The following ZNF385D variants were observed in gnomAD, a reference collection of about 807,000 sequenced individuals.
ZNF385D encodes the protein zinc finger protein 385D.
Under a neutral mutation model 35.8 loss-of-function variants are expected in ZNF385D, and 15 were observed. The observed-to-expected ratio is 0.42, with a 90% CI of 0.28 to 0.64. The LOEUF (loss-of-function observed/expected upper bound fraction) is 0.64, where lower values mean the gene tolerates loss of function less well. Ranked by LOEUF, ZNF385D falls within the 30% of genes least tolerant of loss-of-function variation. The pLI, the probability that ZNF385D is intolerant of heterozygous loss-of-function variation, is 0.23. For missense variants in ZNF385D, 474 were observed against 494.6 expected, an observed-to-expected ratio of 0.96 and a Z score of 0.39; for synonymous variants, 212 against 186.8, an observed-to-expected ratio of 1.13 and a Z score of -1.10.
At chr3:21,667,082 C>T (rs1442834960) in intron 1 of ZNF385D, among the ~76,000 whole-genome samples, 1 of 152,156 alleles carries the variant, frequency 6.6e-6, no homozygotes, top group Non-Finnish European at 1.5e-5. Context: ...ATTTCAAAAA[C>T]AAAAACTCAG....
At chr3:21,969,384 G>A (rs929053461) in intron 3 of ZNF385D, among the ~76,000 whole-genome samples, 1 of 152,102 alleles carries the variant, frequency 6.6e-6, no homozygotes, top group African/African-American at 2.4e-5. Flanking sequence ...GGTTTTATAA[G>A]GGGCTCATCC....
At chr3:22,150,311 A>G (rs957847791) in intron 3 of ZNF385D, among the ~76,000 whole-genome samples, 1 of 152,134 alleles carries the variant, frequency 6.6e-6, no homozygotes, top group Non-Finnish European at 1.5e-5. Context: ...CCTAGGTTAT[A>G]TATGTATGTA....
chr3:22,041,037 C>G (rs1345866620), intron 3 of ZNF385D, among the ~76,000 whole-genome samples: 2 of 151,942 alleles, frequency 1.3e-5, no homozygotes, highest in Non-Finnish European at 2.9e-5. Context: ...ACCTAAAGGA[C>G]AACATTAAAG....
intron 3 of ZNF385D, among the ~76,000 whole-genome samples, chr3:21,837,780 G>C (rs1464912476): frequency 6.6e-6 from 1 of 151,256 alleles, no homozygotes; most frequent in Admixed American, 6.6e-5. Flanking sequence ...GCTGAGACAA[G>C]AGAATTGCTT....
At chr3:21,839,964 T>C (rs897011812) in intron 3 of ZNF385D, among the ~76,000 whole-genome samples, 3 of 152,064 alleles carry the variant, frequency 2.0e-5, no homozygotes, top group Non-Finnish European at 4.4e-5. Flanking sequence ...CAGATAAACA[T>C]GTTGTTTGAT....
intron 3 of ZNF385D, among the ~76,000 whole-genome samples, chr3:22,081,840 T>A (rs1199354631): frequency 6.6e-6 from 1 of 152,178 alleles, no homozygotes; most frequent in Non-Finnish European, 1.5e-5. Context: ...AATACAATTG[T>A]GTATGAATTC....
intron 3 of ZNF385D, among the ~76,000 whole-genome samples, chr3:21,898,403 G>T (rs563040849): frequency 1.3e-5 from 2 of 152,162 alleles, no homozygotes; most frequent in South Asian, 2.1e-4. Flanking sequence ...ATTGCTATTG[G>T]AAGACAAACT....
intron 2 of ZNF385D, among the ~76,000 whole-genome samples, chr3:22,340,579 G>A (rs550762863): frequency 2.0e-5 from 3 of 152,148 alleles, no homozygotes; most frequent in Non-Finnish European, 4.4e-5. Flanking sequence ...CTGGGACGTG[G>A]AGGTTGCAGT....
At chr3:22,352,638 T>A (rs765787025) in intron 2 of ZNF385D, among the ~76,000 whole-genome samples, 3 of 152,158 alleles carry the variant, frequency 2.0e-5, no homozygotes, top group Non-Finnish European at 4.4e-5. Context: ...TAACTTCCTA[T>A]CACTAAAGGT....
At chr3:22,032,376 A>C (rs1229372013) in intron 3 of ZNF385D, among the ~76,000 whole-genome samples, 2 of 152,226 alleles carry the variant, frequency 1.3e-5, no homozygotes, top group African/African-American at 4.8e-5. Flanking sequence ...GCAAGAGAGC[A>C]CATGTAGAGG....
At chr3:22,361,388 G>A (rs1186519255) in intron 2 of ZNF385D, among the ~76,000 whole-genome samples, 1 of 152,024 alleles carries the variant, frequency 6.6e-6, no homozygotes, top group Non-Finnish European at 1.5e-5. Context: ...AATCAATTTA[G>A]AAACTTATTA....
At chr3:22,227,191 G>C (rs553117088) in intron 2 of ZNF385D, among the ~76,000 whole-genome samples, 1 of 151,844 alleles carries the variant, frequency 6.6e-6, no homozygotes, top group Non-Finnish European at 1.5e-5. Context: ...TGGGGCGGGG[G>C]GGGTGTAGGT....
chr3:22,344,096 G>T (rs1380075282), intron 2 of ZNF385D, among the ~76,000 whole-genome samples: 3 of 151,514 alleles, frequency 2.0e-5, no homozygotes, highest in Admixed American at 6.6e-5. Context: ...TATCAGTCCT[G>T]TGAAAATTAA....
chr3:22,158,839 G>A (rs1286646148), intron 3 of ZNF385D, among the ~76,000 whole-genome samples: 1 of 151,970 alleles, frequency 6.6e-6, no homozygotes, highest in African/African-American at 2.4e-5. Context: ...CTTGTTAAGG[G>A]CGTAAATCAG....
intron 4 of ZNF385D, among the ~76,000 whole-genome samples, chr3:21,499,325 G>T (rs986190403): frequency 1.3e-5 from 2 of 152,132 alleles, no homozygotes; most frequent in African/African-American, 4.8e-5. Flanking sequence ...TCATGTCTTT[G>T]CAGCAATGTG....
intron 2 of ZNF385D, among the ~76,000 whole-genome samples, chr3:22,209,223 T>C (rs1697359656): frequency 6.6e-6 from 1 of 151,966 alleles, no homozygotes; most frequent in South Asian, 2.1e-4. Context: ...TTCCCTTGAA[T>C]AGCTTAAACT....
intron 2 of ZNF385D, among the ~76,000 whole-genome samples, chr3:22,173,151 A>T (rs1694581879): frequency 6.6e-6 from 1 of 152,166 alleles, no homozygotes; most frequent in South Asian, 2.1e-4. Flanking sequence ...AATATGCAAA[A>T]CTGTCAAGGT....
At position 21,928,321 on chromosome 3, in the gene ZNF385D, A is replaced by G. The variant is rs539319747; in HGVS notation, c.325+240496T>C. Among the ~76,000 whole-genome samples, 284 of 139,424 alleles carry G rather than the reference A, an allele frequency of 2.0e-3. 3 individuals are homozygous for G. Among genetic ancestry groups the G allele is most frequent in the African/African-American group, 7.1e-3 (269 of 38,122 alleles). The allele number at this position is 139,424 out of a possible 152,430, so 91.5% of individuals were successfully genotyped here. On this transcript the variant is annotated intron_variant, in intron 3 of 5. Coordinates refer to the ZNF385D transcript ENST00000494108. ...GGGAGGAAGGAAGGTAGGAGGGAGG[A>G]AGGAAGGAAGGAGGGAGGGAGGGAG...
chr3:21,800,469 T>A (rs571849877), intron 3 of ZNF385D, among the ~76,000 whole-genome samples: 1 of 152,238 alleles, frequency 6.6e-6, no homozygotes, highest in East Asian at 1.9e-4. Flanking sequence ...GAACATCTAG[T>A]AGGTTAATTT....
Sources: gnomAD v4.1 joint callset for allele counts (sites outside exome capture counted in the v4.1 genomes callset) on GRCh38, gnomAD v4.1.1 for gene constraint, MANE v1.5 for transcripts, NCBI Gene and HGNC (gene_info 2026-07-23, HGNC 2026-07-21) for gene names.